The following PPP1R36 variants were observed in gnomAD, a reference collection of about 807,000 sequenced individuals.
PPP1R36 encodes chromosome 14 open reading frame 50.
PPP1R36 carries 47 observed loss-of-function variants against 53.4 expected under a neutral mutation model. That is an observed-to-expected ratio of 0.88 (90% CI 0.70 to 1.12). The LOEUF (loss-of-function observed/expected upper bound fraction) is 1.12, where lower values mean the gene tolerates loss of function less well. Among genes scored for constraint, PPP1R36 ranks in the 50% most tolerant of loss-of-function variants. The probability of loss-of-function intolerance (pLI) is 0.00; values close to 1 mark genes in which losing one functional copy is unlikely to be tolerated. For missense variants in PPP1R36, 456 were observed against 513.9 expected, an observed-to-expected ratio of 0.89 and a Z score of 1.09; for synonymous variants, 153 against 170.5, an observed-to-expected ratio of 0.90 and a Z score of 0.80.
At position 64,568,398 on chromosome 14, in the gene PPP1R36, C is replaced by T. The variant is rs1596735379; in HGVS notation, c.484C>T (p.His162Tyr). ...FLMALLYYLS[H>Y]YLEKNSLEKK... The stretch of plus-strand genomic sequence containing the variant: ...CATGGCATTATTGTACTACTTATCC[C>T]ATTACTTGGAAAAAAACTCACTGGA... The change falls in exon 7 of 12, where the codon CAT becomes TAT. Residue 162 changes from histidine to tyrosine, a missense_variant. By Grantham distance (83) the His-to-Tyr change is moderately conservative. Transcript: ENST00000298705. 1.9e-6 allele frequency: 3 copies of T among 1,565,770 alleles called. No homozygotes were observed.
chr14:64,581,350 T>TAG, intron 8 of PPP1R36, among the ~76,000 whole-genome samples: 1 of 152,298 alleles, frequency 6.6e-6, no homozygotes, highest in East Asian at 1.9e-4. Flanking sequence ...TGAATGCAGT[T>TAG]AGAGTTCAGT....
rs748020243 is a variant in PPP1R36 at position 64,583,055 on chromosome 14, CTATA to C, written c.669-3764_669-3761del. Among the ~76,000 whole-genome samples, 1,242 of 141,584 alleles carry C rather than the reference CTATA, an allele frequency of 8.8e-3. 23 individuals carry two copies. The highest frequency in any genetic ancestry group is 0.031 in the African/African-American group (1,185 of 38,416). 92.9% of individuals were successfully genotyped at this position (141,584 alleles called of 152,430 possible). A position where few individuals can be genotyped will look rare whatever the true frequency, so the allele number is the denominator to read the frequency against. ...ACAAGGCGTGTGCCACCACTCCCAG[CTATA>C]TATATATATATATATATTTTTTTTT... On this transcript the variant is annotated intron_variant, in intron 8 of 11. Coordinates refer to ENST00000298705, the MANE Select transcript of PPP1R36 (RefSeq NM_172365.3).
intron 8 of PPP1R36, among the ~76,000 whole-genome samples, chr14:64,583,856 A>G (rs2080409577): frequency 6.9e-6 from 1 of 145,130 alleles, no homozygotes; most frequent in Non-Finnish European, 1.5e-5. Context: ...TCCAGTGTGT[A>G]TGGCAACTCG....
intron 3 of PPP1R36, among the ~76,000 whole-genome samples, chr14:64,560,864 C>A (rs545756061): frequency 1.3e-5 from 2 of 152,146 alleles, no homozygotes; most frequent in East Asian, 1.9e-4. Flanking sequence ...GCAGAGAGAT[C>A]TGAGCCTTGA....
intron 3 of PPP1R36, among the ~76,000 whole-genome samples, chr14:64,558,815 T>G (rs2080180632): frequency 6.6e-6 from 1 of 151,988 alleles, no homozygotes; most frequent in Admixed American, 6.6e-5. Context: ...TTTGTATTTT[T>G]AGTACAGACG....
intron 8 of PPP1R36, among the ~76,000 whole-genome samples, chr14:64,583,427 G>A (rs1271968009): frequency 6.6e-6 from 1 of 152,078 alleles, no homozygotes; most frequent in Non-Finnish European, 1.5e-5. Context: ...TATTTCATAT[G>A]CAGGGCTAAA....
chr14:64,571,645 A>G (rs1237601011), intron 7 of PPP1R36, among the ~76,000 whole-genome samples: 1 of 152,196 alleles, frequency 6.6e-6, no homozygotes, highest in Non-Finnish European at 1.5e-5. Context: ...ATAAGCATCA[A>G]GTCCTTAAAC....
In PPP1R36 at chr14:64,588,366, G is replaced by A. The variant is rs566012026; in HGVS notation, c.1082+71G>A. 1.6e-3 allele frequency: 2,145 copies of A among 1,375,884 alleles called. 55 individuals are homozygous for A. The South Asian group carries it at 0.028, about 18-fold the overall frequency. The allele number at this position is 1,375,884 out of a possible 1,614,324, so 85.2% of individuals were successfully genotyped here. Reference sequence around the variant, plus strand: ...CCAGGTGGGGCTGGAAGGGGCAGGGGCCCAGGCACCATGCCTCTGCCAGGG... The same window carrying A: ...CCAGGTGGGGCTGGAAGGGGCAGGGACCCAGGCACCATGCCTCTGCCAGGG... On this transcript the variant is annotated intron_variant, in intron 11 of 11. Transcript: ENST00000298705.
In PPP1R36 at chr14:64,568,544, C is replaced by A. The variant is rs2080279142; in HGVS notation, c.533+97C>A. The A allele has an allele frequency of 7.3e-6, 4 of 544,644 alleles. No homozygotes were observed. In the South Asian group the frequency reaches 1.2e-4, roughly 16 times the overall value. 33.7% of individuals were successfully genotyped at this position (544,644 alleles called of 1,614,324 possible). Reference sequence around the variant, plus strand: ...AAAGAGATGATGGAAATTTTTAAATCTTTGAGATGTACTAAGACATTTTAC... The same window carrying A: ...AAAGAGATGATGGAAATTTTTAAATATTTGAGATGTACTAAGACATTTTAC... On this transcript the variant is annotated intron_variant, in intron 7 of 11. Transcript: ENST00000298705.
At chr14:64,555,565 G>C (rs2080142492) in intron 3 of PPP1R36, among the ~76,000 whole-genome samples, 2 of 152,110 alleles carry the variant, frequency 1.3e-5, no homozygotes, top group African/African-American at 2.4e-5. Flanking sequence ...ATAGGAAAAG[G>C]ATTAAAAACA....
At chr14:64,582,550 G>GT (rs1326782782) in intron 8 of PPP1R36, among the ~76,000 whole-genome samples, 2 of 152,210 alleles carry the variant, frequency 1.3e-5, no homozygotes, top group African/African-American at 2.4e-5. Context: ...ACACGCGGCT[G>GT]TTGAGCACTT....
chr14:64,562,036 G>A (rs2080209316), intron 3 of PPP1R36: 1 of 319,282 alleles, frequency 3.1e-6, no homozygotes, highest in East Asian at 8.1e-5. Flanking sequence ...AAGGCAAGGG[G>A]AATGACATGA....
At chr14:64,560,558 T>C (rs1033925109) in intron 3 of PPP1R36, among the ~76,000 whole-genome samples, 15 of 151,756 alleles carry the variant, frequency 9.9e-5, no homozygotes, top group Admixed American at 9.8e-4. Flanking sequence ...AGTTGACAGA[T>C]GGCTAAAATT....
At chr14:64,572,719 T>C (rs116373409) in intron 7 of PPP1R36, among the ~76,000 whole-genome samples, 6,185 of 152,348 alleles carry the variant, frequency 0.041, 157 homozygotes, top group Middle Eastern at 0.061. Flanking sequence ...GATTCTTTCA[T>C]AATTCATAGG....
intron 3 of PPP1R36, among the ~76,000 whole-genome samples, chr14:64,554,142 GTTTTTTTTTTTTTT>G (rs367753961): frequency 1.5e-5 from 1 of 65,260 alleles, no homozygotes; most frequent in African/African-American, 6.2e-5. Context: ...CATCACAATT[GTTTTTTTTTTTTTT>G]TTTTTTTTTT....
chr14:64,563,037 T>C (rs1227592573), intron 3 of PPP1R36, among the ~76,000 whole-genome samples: 1 of 152,112 alleles, frequency 6.6e-6, no homozygotes, highest in African/African-American at 2.4e-5. Context: ...TGGCTAATTT[T>C]GTATTTTTAG....
At chr14:64,555,926 G>A (rs911324609) in intron 3 of PPP1R36, among the ~76,000 whole-genome samples, 8 of 151,674 alleles carry the variant, frequency 5.3e-5, no homozygotes, top group Non-Finnish European at 7.4e-5. Flanking sequence ...TTAAAAAATT[G>A]TACATATATA....
chr14:64,562,623 A>C (rs1488580192), intron 3 of PPP1R36, among the ~76,000 whole-genome samples: 2 of 152,082 alleles, frequency 1.3e-5, no homozygotes, highest in Non-Finnish European at 1.5e-5. Context: ...CATTCAGACA[A>C]GTGTGAAGTA....
intron 7 of PPP1R36, among the ~76,000 whole-genome samples, chr14:64,573,796 C>T (rs1274015469): frequency 6.7e-6 from 1 of 150,338 alleles, no homozygotes; most frequent in Non-Finnish European, 1.5e-5. Flanking sequence ...ACCTGTAATC[C>T]CAGTTACTCG....
Sources: allele counts gnomAD v4.1 joint callset (sites outside exome capture counted in the v4.1 genomes callset), GRCh38; gene constraint gnomAD v4.1.1; transcripts MANE v1.5; gene names NCBI Gene and HGNC (gene_info 2026-07-23, HGNC 2026-07-21).